NFATC2: variants seen among roughly 807,000 people sequenced by gnomAD.
NFATC2 encodes nuclear factor of activated T-cells, cytoplasmic 2.
In NFATC2, 22 loss-of-function variants were observed where a neutral mutation model predicts 87.3. The ratio of observed to expected loss-of-function variants is 0.25; its 90% confidence interval spans 0.18 to 0.36. The LOEUF (loss-of-function observed/expected upper bound fraction) is 0.36, where lower values mean the gene tolerates loss of function less well. Among genes scored for constraint, NFATC2 ranks in the 10% least tolerant of loss-of-function variants. The pLI, the probability that NFATC2 is intolerant of heterozygous loss-of-function variation, is 1.00. For missense variants in NFATC2, 1,149 were observed against 1,259.1 expected, an observed-to-expected ratio of 0.91 and a Z score of 1.32; for synonymous variants, 565 against 542.2, an observed-to-expected ratio of 1.04 and a Z score of -0.58.
At chr20:51,420,046 C>T (rs1234555847) in intron 9 of NFATC2, among the ~76,000 whole-genome samples, 4 of 148,862 alleles carry the variant, frequency 2.7e-5, no homozygotes, top group Non-Finnish European at 5.9e-5. Flanking sequence ...CACAAACAAC[C>T]GTAATGGATC....
chr20:51,479,147 C>T (rs1258441009), intron 3 of NFATC2, among the ~76,000 whole-genome samples: 2 of 152,104 alleles, frequency 1.3e-5, no homozygotes, highest in African/African-American at 2.4e-5. Context: ...GGATGTTAAA[C>T]GTTTACTAGC....
At position 51,551,798 on chromosome 20, in the gene NFATC2, T is replaced by C. The variant is rs945747639; in HGVS notation, c.70+10762A>G. Among the ~76,000 whole-genome samples, 31 of 152,098 alleles carry C rather than the reference T, an allele frequency of 2.0e-4. 1 individual carries two copies. Among genetic ancestry groups the C allele is most frequent in the Admixed American group, 1.1e-3 (17 of 15,270 alleles). ...ATCCCAGCACATTGGGAGGCCAAGG[T>C]GGGCGGATCATGAGGTCAGGAGATC... On this transcript the variant is annotated intron_variant, in intron 1 of 10. Transcript: ENST00000414705.
At chr20:51,472,489 G>T (rs1369538581) in intron 5 of NFATC2, among the ~76,000 whole-genome samples, 2 of 150,812 alleles carry the variant, frequency 1.3e-5, no homozygotes, top group Non-Finnish European at 3.0e-5. Context: ...CAGCAAAAAG[G>T]AAAAAAAATC....
At chr20:51,442,502 G>A (rs111517633) in intron 6 of NFATC2, among the ~76,000 whole-genome samples, 37 of 152,168 alleles carry the variant, frequency 2.4e-4, no homozygotes, top group African/African-American at 6.5e-4. Context: ...AGTATGTACC[G>A]CATGATGCCG....
chr20:51,415,097 C>G (rs1979856793), intron 9 of NFATC2, among the ~76,000 whole-genome samples: 1 of 151,282 alleles, frequency 6.6e-6, no homozygotes, highest in African/African-American at 2.4e-5. Flanking sequence ...CAAAAAATAA[C>G]TAGCCAGGTG....
chr20:51,421,790 C>G (rs1239014526), intron 9 of NFATC2, among the ~76,000 whole-genome samples: 1 of 152,166 alleles, frequency 6.6e-6, no homozygotes, highest in Non-Finnish European at 1.5e-5. Flanking sequence ...GTGGGCCAAA[C>G]AAAATATCTG....
intron 9 of NFATC2, among the ~76,000 whole-genome samples, chr20:51,403,009 G>A (rs997183278): frequency 1.3e-5 from 2 of 152,148 alleles, no homozygotes; most frequent in East Asian, 1.9e-4. Flanking sequence ...ACATATGCCA[G>A]GACCAGCTCA....
At chr20:51,508,377 T>C (rs932953694) in intron 3 of NFATC2, among the ~76,000 whole-genome samples, 1 of 152,130 alleles carries the variant, frequency 6.6e-6, no homozygotes, top group Non-Finnish European at 1.5e-5. Context: ...CCTCGACCAC[T>C]GCGGGCATCC....
chr20:51,459,915 A>C lies in NFATC2; in HGVS notation c.1709-5227T>G, dbSNP rs147904996. ...CAAAGAAACAAAACAAAACAAAAAA[A>C]AGTTCTGCAACTACAGAGTAGTGGT... On this transcript the variant is annotated intron_variant, in intron 5 of 10. Coordinates refer to ENST00000371564, the MANE Select transcript of NFATC2 (RefSeq NM_012340.5). Among the ~76,000 whole-genome samples, 896 of 152,256 alleles carry C rather than the reference A, an allele frequency of 5.9e-3. 13 individuals carry two copies. Among genetic ancestry groups the C allele is most frequent in the African/African-American group, 0.02 (825 of 41,548 alleles).
Position 51,523,282 on chromosome 20 carries a change from G to T in NFATC2, c.959C>A (p.Pro320His), listed in dbSNP as rs757996175. The change falls in exon 2 of 11, where the codon CCC becomes CAC. Residue 320 changes from proline (P) to histidine (H), a missense_variant. Around this residue, in one of 3 missense-constraint regions of NFATC2, gnomAD observed 563 missense variants for 585.2 expected, o/e 0.96. Transcript: ENST00000371564. This position sits in a 1 kb window ranked among gnomAD's most constrained non-coding sequence, Gnocchi z 6.9. Reference protein sequence around the residue: ...LATDSPCGIPPKMWKTSPDPS... With the variant: ...LATDSPCGIPHKMWKTSPDPS... ...GTCAGGGCTGGTCTTCCACATCTTG[G>T]GGGGGATCCCACAAGGCGAGTCCGT... 6.2e-6 allele frequency: 10 copies of T among 1,613,864 alleles called. No individual in the cohort carries two copies. The highest frequency in any genetic ancestry group is 1.7e-5 in the Admixed American group (1 of 60,020).
At chr20:51,555,742 C>T (rs188170750) in intron 1 of NFATC2, among the ~76,000 whole-genome samples, 8 of 152,280 alleles carry the variant, frequency 5.3e-5, no homozygotes, top group African/African-American at 1.4e-4. Flanking sequence ...TTGCACACAT[C>T]GCTCATTCTG....
intron 2 of NFATC2, among the ~76,000 whole-genome samples, chr20:51,519,150 A>G (rs7270093): frequency 0.075 from 11,411 of 152,236 alleles, 646 homozygotes; most frequent in African/African-American, 0.16. Context: ...CCCATATCAT[A>G]TACACAAGTG....
intron 6 of NFATC2, among the ~76,000 whole-genome samples, chr20:51,441,151 C>T (rs773410099): frequency 2.0e-5 from 3 of 152,046 alleles, no homozygotes; most frequent in Non-Finnish European, 2.9e-5. Context: ...GGCATGGTGG[C>T]GGGCACTTGC....
At chr20:51,437,991 G>C (rs1225621270) in intron 6 of NFATC2, among the ~76,000 whole-genome samples, 1 of 144,888 alleles carries the variant, frequency 6.9e-6, no homozygotes, top group Non-Finnish European at 1.5e-5. Flanking sequence ...TGTTTTCTCA[G>C]ACAACTGAGC....
chr20:51,430,641 T>TC (rs1431465540), intron 9 of NFATC2, among the ~76,000 whole-genome samples: 1 of 152,096 alleles, frequency 6.6e-6, no homozygotes, highest in Non-Finnish European at 1.5e-5. Context: ...ATCGACTGTC[T>TC]CCCTAGGGAT....
intron 5 of NFATC2, among the ~76,000 whole-genome samples, chr20:51,459,707 A>C (rs1244125435): frequency 1.3e-5 from 2 of 152,112 alleles, no homozygotes; most frequent in East Asian, 3.9e-4. Flanking sequence ...GTGAAACCCC[A>C]TCTCTACTAA....
chr20:51,421,138 G>T (rs1373438344), intron 9 of NFATC2, among the ~76,000 whole-genome samples: 1 of 151,466 alleles, frequency 6.6e-6, no homozygotes, highest in Non-Finnish European at 1.5e-5. Flanking sequence ...ACCAGGTAAT[G>T]AATATAACAG....
At chr20:51,429,753 G>T (rs376887725) in intron 9 of NFATC2, among the ~76,000 whole-genome samples, 30 of 152,246 alleles carry the variant, frequency 2.0e-4, no homozygotes, top group African/African-American at 7.0e-4. Flanking sequence ...CAAAAAACTT[G>T]GTTTAACCTA....
chr20:51,543,686 T>A (rs1396900971), upstream of NFATC2, among the ~76,000 whole-genome samples: 1 of 152,174 alleles, frequency 6.6e-6, no homozygotes, highest in Non-Finnish European at 1.5e-5. Flanking sequence ...TCCATAAGTC[T>A]GAATACAGAC....
Sources: gnomAD v4.1 joint callset for allele counts (sites outside exome capture counted in the v4.1 genomes callset) on GRCh38, gnomAD v4.1.1 for gene constraint, gnomAD v4.1.1 regional missense constraint, Gnocchi (gnomAD v3.1) non-coding constraint, MANE v1.5 for transcripts, NCBI Gene and HGNC (gene_info 2026-07-23, HGNC 2026-07-21) for gene names.